The following SLC22A14 variants were observed in gnomAD, a reference collection of about 807,000 sequenced individuals.
The protein encoded by SLC22A14 is organic cation transporter-like 4.
Under a neutral mutation model 53.9 loss-of-function variants are expected in SLC22A14, and 50 were observed. The ratio of observed to expected loss-of-function variants is 0.93; its 90% confidence interval spans 0.74 to 1.17. The LOEUF (loss-of-function observed/expected upper bound fraction) is 1.17. SLC22A14 is among the 50% of genes most tolerant of loss of function. The pLI is 0.00. For synonymous variants in SLC22A14, 312 were observed against 303.0 expected, an observed-to-expected ratio of 1.03 and a Z score of -0.31; for missense variants, 671 against 734.7, an observed-to-expected ratio of 0.91 and a Z score of 1.00.
rs564107556 is a variant in SLC22A14 at position 38,298,238 on chromosome 3, A to G, written c.1-7789A>G. The stretch of plus-strand genomic sequence containing the variant: ...GGGTGCTTTCTTGCTTTCTGGCACC[A>G]CAAGATATTTTATAATCATCTTGTA... On this transcript the variant is annotated intron_variant, in intron 1 of 10. Transcript: ENST00000448498. Among the ~76,000 whole-genome samples, 21 of 152,286 alleles carry G rather than the reference A, an allele frequency of 1.4e-4. No individual in the cohort carries two copies. The Middle Eastern group carries it at 0.014, about 99-fold the overall frequency.
At chr3:38,313,156 TG>T in intron 6 of SLC22A14, 37 bp downstream of exon 6, 3 of 1,606,136 alleles carry the variant, frequency 1.9e-6, no homozygotes, top group Non-Finnish European at 2.5e-6. Flanking sequence ...GCCGGAGCAG[TG>T]GGCTGTGGAA....
intron 1 of SLC22A14, among the ~76,000 whole-genome samples, chr3:38,291,068 G>A (rs574641081): frequency 6.6e-6 from 1 of 152,182 alleles, no homozygotes; most frequent in Non-Finnish European, 1.5e-5. Context: ...CTTAGAGTGT[G>A]TATATATATT....
intron 1 of SLC22A14, among the ~76,000 whole-genome samples, chr3:38,296,609 C>G (rs186960472): frequency 9.9e-5 from 15 of 152,142 alleles, no homozygotes; most frequent in Non-Finnish European, 2.2e-4. Flanking sequence ...AAGATGGTGG[C>G]GGGCTGCTTC....
intron 5 of SLC22A14, among the ~76,000 whole-genome samples, chr3:38,312,649 G>A (rs194709): frequency 0.26 from 38,985 of 152,134 alleles, 5,568 homozygotes; most frequent in Non-Finnish European, 0.32. Flanking sequence ...TGTGGGCATG[G>A]AGGTCGGAGC....
intron 5 of SLC22A14, among the ~76,000 whole-genome samples, chr3:38,311,129 T>G (rs1291295560): frequency 6.6e-6 from 1 of 151,804 alleles, no homozygotes; most frequent in East Asian, 1.9e-4. Flanking sequence ...TAGATGAGAG[T>G]TGTATGGGGA....
upstream of SLC22A14, among the ~76,000 whole-genome samples, chr3:38,280,002 C>A (rs1703631483): frequency 6.6e-6 from 1 of 152,160 alleles, no homozygotes; most frequent in South Asian, 2.1e-4. Context: ...ACAAAGCTGG[C>A]TAAAATAGGT....
At position 38,313,802 on chromosome 3, in the gene SLC22A14, C is replaced by T. The variant is rs192274726; in HGVS notation, c.1239C>T (p.His413=). The T allele has an allele frequency of 1.6e-4, 263 of 1,613,198 alleles. No individual in the cohort carries two copies. In the Admixed American group the frequency reaches 3.1e-3, roughly 19 times the overall value. ...RELGVSVHFR[H]VVPSIMEVPA... ...TGGGCGTGAGCGTCCACTTCAGACACGTGGTCCCCAGCATCATGGAGGTGC... is the reference window on the plus strand; with the variant it reads ...TGGGCGTGAGCGTCCACTTCAGACATGTGGTCCCCAGCATCATGGAGGTGC... Residue 413 remains histidine, a synonymous_variant, in exon 8 of 11, where the codon CAC becomes CAT. Transcript: ENST00000448498.
chr3:38,308,973 T>C lies in SLC22A14; in HGVS notation c.795T>C (p.Gly265=). 1.2e-6 allele frequency: 2 copies of C among 1,614,088 alleles called. No individual in the cohort carries two copies. The highest frequency in any genetic ancestry group is 1.7e-6 in the Non-Finnish European group (2 of 1,179,942). The change falls in exon 5 of 11, where the codon GGT becomes GGC. Residue 265 remains glycine, a synonymous_variant. Coordinates refer to ENST00000448498, the MANE Select transcript of SLC22A14 (RefSeq NM_001320033.2). ...GCACAGCCACTGAGTGGTTAGTGGG[T>C]GAGCACCGGGCCCATGCCATTATCC... The part of the protein sequence containing the change: ...SISLATEWLV[G]EHRAHAIILG...
At chr3:38,311,815 T>C (rs1575422265) in intron 5 of SLC22A14, among the ~76,000 whole-genome samples, 2 of 152,254 alleles carry the variant, frequency 1.3e-5, no homozygotes, top group East Asian at 3.8e-4. Context: ...AACATTCTGT[T>C]CATGACCTCT....
intron 1 of SLC22A14, among the ~76,000 whole-genome samples, chr3:38,295,383 G>A (rs1214082380): frequency 6.6e-6 from 1 of 152,222 alleles, no homozygotes; most frequent in African/African-American, 2.4e-5. Flanking sequence ...TCCTCTAAAA[G>A]TTACTTTTCT....
At chr3:38,310,979 T>C (rs1704452510) in intron 5 of SLC22A14, among the ~76,000 whole-genome samples, 1 of 152,228 alleles carries the variant, frequency 6.6e-6, no homozygotes, top group Non-Finnish European at 1.5e-5. Context: ...TCTCTCTCAC[T>C]GTCTGGAATA....
intron 1 of SLC22A14, 36 bp from the exon 2 acceptor site, chr3:38,305,991 T>C: frequency 6.4e-7 from 1 of 1,569,826 alleles, no homozygotes; most frequent in Non-Finnish European, 8.6e-7. Context: ...GGAAGTGGTG[T>C]CAGCAGAGAC....
Position 38,309,101 on chromosome 3 carries a change from T to G in SLC22A14, c.923T>G (p.Ile308Ser). Reference protein sequence around the residue: ...LLFLVGGILVIPFISYIWILP... With the variant: ...LLFLVGGILVSPFISYIWILP... ...TTTCTGGTGGGTGGGATACTTGTGA[T>G]CCCCTTCATCTCCTATATCTGGTGA... Residue 308 changes from isoleucine (I) to serine (S), a missense_variant, in exon 5 of 11, where the codon ATC (isoleucine) becomes AGC (serine). By Grantham distance (142) the Ile-to-Ser change is moderately radical. Transcript: ENST00000448498. 1 of 1,614,070 alleles carries G rather than the reference T, an allele frequency of 6.2e-7. No individual in the cohort carries two copies. Among genetic ancestry groups the G allele is most frequent in the Non-Finnish European group, 8.5e-7 (1 of 1,179,908 alleles).
intron 1 of SLC22A14, 163 bp from the exon 2 acceptor site, chr3:38,305,864 T>A: frequency 1.5e-6 from 1 of 685,450 alleles, no homozygotes; most frequent in Admixed American, 2.5e-5. Context: ...GAATAAATCA[T>A]GTTAACTAAG....
At chr3:38,314,153 C>G (rs1415201763) in intron 8 of SLC22A14, among the ~76,000 whole-genome samples, 1 of 152,190 alleles carries the variant, frequency 6.6e-6, no homozygotes, top group Non-Finnish European at 1.5e-5. Flanking sequence ...CACCCACACT[C>G]TCTCAGAGGC....
intron 1 of SLC22A14, among the ~76,000 whole-genome samples, chr3:38,304,398 CT>C (rs1370705220): frequency 2.6e-5 from 4 of 151,794 alleles, no homozygotes; most frequent in Non-Finnish European, 4.4e-5. Flanking sequence ...CTTTCATCTT[CT>C]TTTTTTGAGA....
At chr3:38,315,532 G>A (rs1432249855) in intron 8 of SLC22A14, 26 bp from the exon 9 acceptor site, 30 of 1,606,566 alleles carry the variant, frequency 1.9e-5, no homozygotes, top group Non-Finnish European at 2.6e-5. Context: ...GAGGGCTGAT[G>A]AGTGGAACTC....
intron 1 of SLC22A14, among the ~76,000 whole-genome samples, chr3:38,298,422 A>ACATC (rs892582242): frequency 7.5e-6 from 1 of 133,436 alleles, no homozygotes. Flanking sequence ...ACTTGCACAC[A>ACATC]CATCTATCTA....
intron 10 of SLC22A14, 82 bp from the exon 11 acceptor site, chr3:38,318,116 C>T (rs191010748): frequency 2.0e-5 from 26 of 1,297,132 alleles, no homozygotes; most frequent in African/African-American, 1.4e-4. Flanking sequence ...CAGGGTTGGG[C>T]GCTGCTGAAG....
Sources: gnomAD v4.1 joint callset for allele counts (sites outside exome capture counted in the v4.1 genomes callset) on GRCh38, gnomAD v4.1.1 for gene constraint, MANE v1.5 for transcripts, NCBI Gene and HGNC (gene_info 2026-07-23, HGNC 2026-07-21) for gene names.